TTC17: variants seen among roughly 807,000 people sequenced by gnomAD.
The protein encoded by TTC17 is tetratricopeptide repeat protein 17.
In TTC17, 58 loss-of-function variants were observed where a neutral mutation model predicts 143.8. The ratio of observed to expected loss-of-function variants is 0.40; its 90% CI spans 0.33 to 0.50. TTC17 has a LOEUF of 0.50. Ranked by LOEUF, TTC17 falls within the 20% of genes least tolerant of loss-of-function variation. TTC17 has a pLI of 0.49. For missense variants in TTC17, 1,273 were observed against 1,392.5 expected (o/e 0.91, Z 1.37); for synonymous variants, 501 against 497.8 (o/e 1.01, Z -0.09).
chr11:43,477,694 C>G (rs1321039497), intron 21 of TTC17, among the ~76,000 whole-genome samples: 1 of 152,150 alleles, frequency 6.6e-6, no homozygotes, highest in Non-Finnish European at 1.5e-5. Context: ...CGTGGGAATT[C>G]TGGGAAATAC....
At chr11:43,424,694 C>T (rs996941454) in intron 16 of TTC17, among the ~76,000 whole-genome samples, 5 of 151,994 alleles carry the variant, frequency 3.3e-5, no homozygotes, top group Non-Finnish European at 5.9e-5. Flanking sequence ...TGCTTGAACC[C>T]GGGAGGTGGA....
chr11:43,438,305 A>G (rs1172250922), intron 16 of TTC17, among the ~76,000 whole-genome samples: 4 of 152,156 alleles, frequency 2.6e-5, no homozygotes, highest in African/African-American at 9.7e-5. Context: ...TTACAGGTGC[A>G]TGCCACCACA....
intron 2 of TTC17, among the ~76,000 whole-genome samples, chr11:43,388,527 T>C (rs967919165): frequency 4.9e-5 from 7 of 142,288 alleles, no homozygotes; most frequent in Admixed American, 1.4e-4. Context: ...TTGAACTCCC[T>C]TTTTTTTTTT....
intron 11 of TTC17, among the ~76,000 whole-genome samples, chr11:43,404,550 G>A (rs1013313982): frequency 5.3e-5 from 8 of 152,196 alleles, no homozygotes; most frequent in Non-Finnish European, 1.5e-5. Flanking sequence ...CTCTTCTGGA[G>A]CCTACATTCT....
rs567382339 is a variant in TTC17, at chr11:43,371,362, G to GT, written c.160-7869dup. 3.9e-5 allele frequency among the ~76,000 whole-genome samples: 6 copies of GT among 152,314 alleles called. No homozygotes were observed. The South Asian group carries it at 1.0e-3, about 26-fold the overall frequency. On this transcript the variant is annotated intron_variant, in intron 1 of 23. Transcript: ENST00000039989. ...GCCTCTTCTAACCAACCAGCTTCAA[G>GT]TTGGGGCTCCCATAGCTGCCTCTTT...
intron 21 of TTC17, among the ~76,000 whole-genome samples, chr11:43,452,517 ATGAATGAATGAATGAG>A (rs1359469451): frequency 6.6e-6 from 1 of 151,426 alleles, no homozygotes; most frequent in African/African-American, 2.4e-5. Flanking sequence ...TAATGAATGA[ATGAATGAATGAATGAG>A]TGAATGAATG....
chr11:43,448,539 T>G (rs1377166647), intron 19 of TTC17: 1 of 157,060 alleles, frequency 6.4e-6, no homozygotes, highest in Non-Finnish European at 1.4e-5. Flanking sequence ...ACACTCGCTC[T>G]CTTTTGCTGA....
intron 13 of TTC17, 67 bp downstream of exon 13, chr11:43,406,018 G>A: frequency 6.6e-7 from 1 of 1,515,232 alleles, no homozygotes; most frequent in Admixed American, 2.3e-5. Context: ...CTCTTAAATG[G>A]AACAAAAAAT....
intron 15 of TTC17, among the ~76,000 whole-genome samples, chr11:43,410,877 C>G (rs541131874): frequency 1.3e-5 from 2 of 152,314 alleles, no homozygotes; most frequent in South Asian, 2.1e-4. Flanking sequence ...AGTCCACTGG[C>G]TAACCTTGTT....
At chr11:43,462,033 A>G (rs924770582) in intron 21 of TTC17, among the ~76,000 whole-genome samples, 1 of 151,560 alleles carries the variant, frequency 6.6e-6, no homozygotes, top group Non-Finnish European at 1.5e-5. Context: ...ACCCAAGCAC[A>G]TCAGTAGTTA....
At chr11:43,471,321 A>G (rs530035519) in intron 21 of TTC17, among the ~76,000 whole-genome samples, 1 of 152,300 alleles carries the variant, frequency 6.6e-6, no homozygotes, top group South Asian at 2.1e-4. Context: ...ATTACATTGG[A>G]TGAGCAGGCA....
At chr11:43,469,863 AC>A (rs1423586133) in intron 21 of TTC17, among the ~76,000 whole-genome samples, 7 of 152,238 alleles carry the variant, frequency 4.6e-5, no homozygotes, top group African/African-American at 1.7e-4. Context: ...ATTTTAGACC[AC>A]TAAAAGCTGG....
chr11:43,492,409 A>G (rs955299338), intron 23 of TTC17, among the ~76,000 whole-genome samples: 1 of 152,188 alleles, frequency 6.6e-6, no homozygotes, highest in Non-Finnish European at 1.5e-5. Flanking sequence ...TTAACAGCAG[A>G]GTCAGATTTA....
At chr11:43,475,378 C>T (rs961919105) in intron 21 of TTC17, among the ~76,000 whole-genome samples, 3 of 152,134 alleles carry the variant, frequency 2.0e-5, no homozygotes, top group African/African-American at 7.2e-5. Context: ...GTCGCCCAGG[C>T]TAAAGGTGCA....
intron 18 of TTC17, among the ~76,000 whole-genome samples, chr11:43,445,061 G>A (rs1030003543): frequency 2.6e-5 from 4 of 152,102 alleles, no homozygotes; most frequent in Admixed American, 1.3e-4. Flanking sequence ...CAACATAAAT[G>A]TTGTAATTGC....
intron 10 of TTC17, 125 bp from the exon 11 acceptor site, chr11:43,403,873 A>G (rs1376207071): frequency 7.0e-6 from 5 of 717,848 alleles, no homozygotes; most frequent in Non-Finnish European, 1.1e-5. Context: ...TTGCTTTATT[A>G]CTGAGCTACT....
chr11:43,394,175 T>A (rs1372739944), intron 5 of TTC17, among the ~76,000 whole-genome samples: 1 of 152,158 alleles, frequency 6.6e-6, no homozygotes, highest in Non-Finnish European at 1.5e-5. Context: ...GCAGCCAAAT[T>A]CAGGCCAATA....
At chr11:43,376,407 AAAGT>A (rs1168813115) in intron 1 of TTC17, among the ~76,000 whole-genome samples, 27 of 152,180 alleles carry the variant, frequency 1.8e-4, no homozygotes, top group Admixed American at 1.7e-3. Flanking sequence ...TCACCTCCTT[AAAGT>A]AAGTGAAAAT....
chr11:43,412,981 G>GACATACAC (rs1011505049), intron 15 of TTC17, among the ~76,000 whole-genome samples: 85 of 140,482 alleles, frequency 6.1e-4, no homozygotes, highest in African/African-American at 2.2e-3. Context: ...ACCTAGAATA[G>GACATACAC]ACACACACAC....
Sources: allele counts gnomAD v4.1 joint callset (sites outside exome capture counted in the v4.1 genomes callset), GRCh38; gene constraint gnomAD v4.1.1; transcripts MANE v1.5; gene names NCBI Gene and HGNC (gene_info 2026-07-23, HGNC 2026-07-21).